The following ZBTB20 variants were observed in gnomAD, a reference collection of about 807,000 sequenced individuals.
ZBTB20 encodes the protein zinc finger and BTB domain containing 20.
A neutral mutation model predicts 56.9 loss-of-function variants in ZBTB20; 9 were observed. The ratio of observed to expected loss-of-function variants is 0.16; its 90% CI spans 0.10 to 0.28. The LOEUF (loss-of-function observed/expected upper bound fraction) is 0.28. Ranked by LOEUF, ZBTB20 falls within the 10% of genes least tolerant of loss-of-function variation. The pLI, the probability that ZBTB20 is intolerant of heterozygous loss-of-function variation, is 1.00. For missense variants in ZBTB20, 655 were observed against 1,003.0 expected (o/e 0.65, Z 4.69); for synonymous variants, 417 against 420.7 (o/e 0.99, Z 0.11).
chr3:114,487,869 T>C (rs2042308467), intron 7 of ZBTB20, among the ~76,000 whole-genome samples: 1 of 152,232 alleles, frequency 6.6e-6, no homozygotes, highest in Non-Finnish European at 1.5e-5. Flanking sequence ...TGACATGGCC[T>C]CTAGCACTTT....
intron 10 of ZBTB20, among the ~76,000 whole-genome samples, chr3:114,359,973 A>G (rs2081640336): frequency 6.6e-6 from 1 of 152,206 alleles, no homozygotes; most frequent in South Asian, 2.1e-4. Flanking sequence ...TATAACTCTC[A>G]GGTATGGCAT....
chr3:114,502,094 C>A lies in ZBTB20; in HGVS notation c.-294-1703G>T, dbSNP rs150377779. Among the ~76,000 whole-genome samples, 24 of 152,194 alleles carry A rather than the reference C, an allele frequency of 1.6e-4. No individual in the cohort carries two copies. The East Asian group carries it at 4.6e-3, about 29-fold the overall frequency. ...CAAATTAATAAACCAAAAAAAGATA[C>A]TGAGAAAACAAAGCAGGTCCCCCTA... On this transcript the variant is annotated intron_variant, in intron 6 of 11. Transcript: ENST00000675478.
At chr3:114,420,719 G>C (rs2089078094) in intron 7 of ZBTB20, among the ~76,000 whole-genome samples, 1 of 152,140 alleles carries the variant, frequency 6.6e-6, no homozygotes, top group Non-Finnish European at 1.5e-5. Context: ...CTAAAAGGAA[G>C]TAAAATGCCT....
At chr3:114,833,794 A>G (rs1263756337) in intron 4 of ZBTB20, among the ~76,000 whole-genome samples, 1 of 151,708 alleles carries the variant, frequency 6.6e-6, no homozygotes, top group East Asian at 1.9e-4. Context: ...TGGTCTCCCA[A>G]GTACTGTGAT....
At chr3:114,702,203 C>T (rs1039321118) in intron 5 of ZBTB20, among the ~76,000 whole-genome samples, 1 of 152,018 alleles carries the variant, frequency 6.6e-6, no homozygotes, top group East Asian at 1.9e-4. Context: ...AATTAGCAGG[C>T]ATGGTGGCAC....
intron 8 of ZBTB20, among the ~76,000 whole-genome samples, chr3:114,381,713 T>C (rs1369261416): frequency 6.6e-6 from 1 of 152,214 alleles, no homozygotes; most frequent in Non-Finnish European, 1.5e-5. Context: ...TTGTGCTGGG[T>C]AGTTAAATCT....
At chr3:115,146,441 G>A (rs1317490098) in intron 1 of ZBTB20, among the ~76,000 whole-genome samples, 1 of 152,096 alleles carries the variant, frequency 6.6e-6, no homozygotes, top group African/African-American at 2.4e-5. Context: ...TACGAGAGAC[G>A]GCATTTGTTT....
intron 11 of ZBTB20, among the ~76,000 whole-genome samples, chr3:114,345,630 T>C (rs2080124597): frequency 6.6e-6 from 1 of 152,234 alleles, no homozygotes; most frequent in South Asian, 2.1e-4. Flanking sequence ...GATTCTCAAC[T>C]TCAGCATGAA....
intron 6 of ZBTB20, among the ~76,000 whole-genome samples, chr3:114,591,123 T>C (rs1443705469): frequency 6.6e-6 from 1 of 152,218 alleles, no homozygotes; most frequent in African/African-American, 2.4e-5. Flanking sequence ...TGACTCTTCC[T>C]TGAGAATTTT....
intron 10 of ZBTB20, among the ~76,000 whole-genome samples, chr3:114,360,019 T>C (rs762184983): frequency 2.6e-5 from 4 of 152,116 alleles, no homozygotes; most frequent in Non-Finnish European, 4.4e-5. Context: ...TGATGAATTA[T>C]AGTTAGGTAA....
chr3:114,903,262 C>T (rs1664807669), intron 3 of ZBTB20, among the ~76,000 whole-genome samples: 1 of 152,064 alleles, frequency 6.6e-6, no homozygotes, highest in South Asian at 2.1e-4. Context: ...GATCATGTTA[C>T]TCACCCTACG....
chr3:114,671,103 G>GT (rs1436282609), intron 6 of ZBTB20, among the ~76,000 whole-genome samples: 2 of 152,090 alleles, frequency 1.3e-5, no homozygotes, highest in Non-Finnish European at 2.9e-5. Flanking sequence ...TAGTTAGATT[G>GT]TTTGTAAGTA....
intron 1 of ZBTB20, among the ~76,000 whole-genome samples, chr3:115,139,467 T>C (rs1462019927): frequency 6.6e-6 from 1 of 152,082 alleles, no homozygotes; most frequent in Admixed American, 6.6e-5. Context: ...AACAGATTCT[T>C]TCCTAGTCAG....
At position 115,122,539 on chromosome 3, in the gene ZBTB20, TGAG is replaced by T. The variant is rs368785715; in HGVS notation, c.-703+24677_-703+24679del. 3.5e-3 allele frequency among the ~76,000 whole-genome samples: 538 copies of T among 152,194 alleles called. 2 individuals are homozygous for T. The highest frequency in any genetic ancestry group is 0.011 in the African/African-American group (467 of 41,552). On this transcript the variant is annotated intron_variant, in intron 1 of 11. Coordinates refer to ENST00000675478, the MANE Select transcript of ZBTB20 (RefSeq NM_001348800.3). Reference sequence around the variant, plus strand: ...ATGTCTCCATACAATCCTATATCTCTGAGGAGATCCTTGGTTCTCCATGGATTT... The same window carrying T: ...ATGTCTCCATACAATCCTATATCTCTGAGATCCTTGGTTCTCCATGGATTT...
At chr3:115,017,031 A>G (rs185469888) in intron 2 of ZBTB20, among the ~76,000 whole-genome samples, 1 of 151,754 alleles carries the variant, frequency 6.6e-6, no homozygotes, top group Admixed American at 6.6e-5. Context: ...AGTTCTGGCC[A>G]GGGCAATCAA....
chr3:114,413,136 GT>G (rs2088152821), intron 7 of ZBTB20, among the ~76,000 whole-genome samples: 1 of 151,988 alleles, frequency 6.6e-6, no homozygotes, highest in South Asian at 2.1e-4. Context: ...ATAGGAGAAC[GT>G]TCAGTATTAA....
chr3:114,379,068 A>G (rs143593775), intron 10 of ZBTB20: 1 of 152,316 alleles, frequency 6.6e-6, no homozygotes, highest in East Asian at 1.9e-4. Context: ...AGAGACTATC[A>G]TGATGAAGCA....
At chr3:114,850,862 T>C (rs2107411427) in intron 4 of ZBTB20, among the ~76,000 whole-genome samples, 1 of 152,236 alleles carries the variant, frequency 6.6e-6, no homozygotes, top group Middle Eastern at 3.4e-3. Flanking sequence ...CAAAATTTTG[T>C]GGATAGGCAC....
rs1003797901 is a variant in ZBTB20 at position 114,327,828 on chromosome 3, C to T, written c.*11177G>A. On this transcript the variant is annotated 3_prime_UTR_variant, in exon 12 of 12. Coordinates refer to ENST00000675478, the MANE Select transcript of ZBTB20 (RefSeq NM_001348800.3). The stretch of plus-strand genomic sequence containing the variant: ...GTCACAGGACTTGTCTTCATTAAAG[C>T]TGAGAGGCGATGTGGTATCATGGCA... 3.9e-5 allele frequency: 6 copies of T among 152,174 alleles called. No homozygotes were observed. Among genetic ancestry groups the T allele is most frequent in the African/African-American group, 1.4e-4 (6 of 41,442 alleles). The allele number at this position is 152,174 out of a possible 1,614,324, so 9.4% of individuals were successfully genotyped here. A position where few individuals can be genotyped will look rare whatever the true frequency, so the allele number is the denominator to read the frequency against.
Sources: allele counts gnomAD v4.1 joint callset (sites outside exome capture counted in the v4.1 genomes callset), GRCh38; gene constraint gnomAD v4.1.1; transcripts MANE v1.5; gene names NCBI Gene and HGNC (gene_info 2026-07-23, HGNC 2026-07-21).